The following BMERB1 variants were observed in gnomAD, a reference collection of about 807,000 sequenced individuals.
The protein encoded by BMERB1 is bMERB domain-containing protein 1.
In BMERB1, 12 loss-of-function variants were observed where a neutral mutation model predicts 23.6. That is an observed-to-expected ratio of 0.51 (90% CI 0.33 to 0.82). The LOEUF (loss-of-function observed/expected upper bound fraction) is 0.82. Ranked by LOEUF, BMERB1 falls within the 40% of genes least tolerant of loss-of-function variation. BMERB1 has a pLI of 0.03. For synonymous variants in BMERB1, 122 were observed against 96.6 expected, an observed-to-expected ratio of 1.26 and a Z score of -1.54; for missense variants, 247 against 255.4, an observed-to-expected ratio of 0.97 and a Z score of 0.22.
At chr16:15,447,437 C>G (rs1025534448) in intron 1 of BMERB1, among the ~76,000 whole-genome samples, 4 of 152,126 alleles carry the variant, frequency 2.6e-5, no homozygotes, top group African/African-American at 4.8e-5. Context: ...TACCTCCCAC[C>G]AGGTCCCTCC....
At chr16:15,500,434 C>G (rs920905256) in intron 1 of BMERB1, among the ~76,000 whole-genome samples, 7 of 151,980 alleles carry the variant, frequency 4.6e-5, no homozygotes, top group Non-Finnish European at 7.4e-5. Context: ...GGAGGTGGGA[C>G]GAGAGGGTCC....
chr16:15,527,709 C>T (rs1034251863), intron 2 of BMERB1, among the ~76,000 whole-genome samples: 7 of 152,106 alleles, frequency 4.6e-5, no homozygotes, highest in Non-Finnish European at 8.8e-5. Context: ...GGGGAAGGTA[C>T]AGTATCTGAT....
intron 1 of BMERB1, chr16:15,502,223 C>A: frequency 6.9e-7 from 1 of 1,446,630 alleles, no homozygotes; most frequent in Non-Finnish European, 9.5e-7. Flanking sequence ...GAAACAGAAA[C>A]TCGCAGAAGT....
chr16:15,563,640 T>TA, intron 2 of BMERB1, among the ~76,000 whole-genome samples: 1 of 152,162 alleles, frequency 6.6e-6, no homozygotes, highest in East Asian at 1.9e-4. Flanking sequence ...TCAGGAAACT[T>TA]ACAATCATGA....
At chr16:15,488,902 CA>C (rs769821665) in intron 1 of BMERB1, among the ~76,000 whole-genome samples, 148 of 57,754 alleles carry the variant, frequency 2.6e-3, no homozygotes, top group South Asian at 0.012. Flanking sequence ...ACTGCATATG[CA>C]AAAAAAAAAA....
chr16:15,443,310 T>C (rs1373443128), intron 1 of BMERB1, among the ~76,000 whole-genome samples: 1 of 151,626 alleles, frequency 6.6e-6, no homozygotes, highest in Non-Finnish European at 1.5e-5. Flanking sequence ...CCCAGCACTT[T>C]GGTAGGCCCA....
At chr16:15,435,435 C>T (rs1288811293) in intron 1 of BMERB1, among the ~76,000 whole-genome samples, 1 of 152,220 alleles carries the variant, frequency 6.6e-6, no homozygotes, top group Admixed American at 6.5e-5. Flanking sequence ...TGGATGTCAA[C>T]ATTTCTAAGT....
intron 1 of BMERB1, among the ~76,000 whole-genome samples, chr16:15,451,918 TTAAA>T (rs1427856387): frequency 3.3e-5 from 5 of 151,672 alleles, no homozygotes; most frequent in African/African-American, 1.2e-4. Context: ...GTAAACTTAT[TTAAA>T]TAAGTTTGCA....
chr16:15,554,874 G>A (rs376433485), intron 2 of BMERB1, among the ~76,000 whole-genome samples: 1 of 151,948 alleles, frequency 6.6e-6, no homozygotes, highest in Non-Finnish European at 1.5e-5. Context: ...CACCGTGTTA[G>A]CCAGGATGGT....
chr16:15,535,419 G>A (rs1284020185), intron 2 of BMERB1, among the ~76,000 whole-genome samples: 1 of 152,114 alleles, frequency 6.6e-6, no homozygotes, highest in Non-Finnish European at 1.5e-5. Context: ...AGGCCAAGGT[G>A]GGTGGATCAT....
At chr16:15,471,497 G>C (rs1010774398) in intron 1 of BMERB1, among the ~76,000 whole-genome samples, 1 of 152,156 alleles carries the variant, frequency 6.6e-6, no homozygotes, top group Admixed American at 6.6e-5. Context: ...AAGTTTCTGC[G>C]TAAAAAGTTG....
At chr16:15,559,486 G>A (rs1215314613) in intron 2 of BMERB1, among the ~76,000 whole-genome samples, 1 of 152,130 alleles carries the variant, frequency 6.6e-6, no homozygotes. Context: ...CAGAGCTTTG[G>A]GTGTGTTGCT....
intron 2 of BMERB1, among the ~76,000 whole-genome samples, chr16:15,555,777 T>C (rs951950853): frequency 3.3e-5 from 5 of 152,348 alleles, no homozygotes; most frequent in East Asian, 1.9e-4. Context: ...TGGACACTTA[T>C]CAACACTTAT....
At chr16:15,517,218 A>C (rs2051771855) in intron 2 of BMERB1, among the ~76,000 whole-genome samples, 1 of 152,210 alleles carries the variant, frequency 6.6e-6, no homozygotes, top group African/African-American at 2.4e-5. Context: ...TTTAAAAGGA[A>C]GACAGAGAGG....
intron 2 of BMERB1, among the ~76,000 whole-genome samples, chr16:15,539,347 G>A (rs1342130390): frequency 1.3e-5 from 2 of 152,054 alleles, no homozygotes; most frequent in East Asian, 1.9e-4. Flanking sequence ...GGGAGTGGCC[G>A]TAAATGCAGA....
intron 1 of BMERB1, among the ~76,000 whole-genome samples, chr16:15,464,734 A>G (rs1307981241): frequency 6.6e-6 from 1 of 152,176 alleles, no homozygotes; most frequent in Non-Finnish European, 1.5e-5. Flanking sequence ...ATGCATCATA[A>G]TTAGTGTATA....
rs181886232 is a variant in BMERB1 at position 15,455,751 on chromosome 16, C to T, written c.106+20992C>T. 3.5e-3 allele frequency among the ~76,000 whole-genome samples: 536 copies of T among 152,208 alleles called. 4 individuals are homozygous for T. Among genetic ancestry groups the T allele is most frequent in the African/African-American group, 0.012 (507 of 41,546 alleles). ...TGCTGGGATTACAGGCATGAGCCAC[C>T]GCGCCTGGCCATGTTAACTATATAT... On this transcript the variant is annotated intron_variant, in intron 1 of 5. Transcript: ENST00000300006.
intron 2 of BMERB1, among the ~76,000 whole-genome samples, chr16:15,559,893 A>T (rs571259091): frequency 6.6e-6 from 1 of 152,324 alleles, no homozygotes; most frequent in Non-Finnish European, 1.5e-5. Context: ...CTTGGACCAC[A>T]CATAAAATAC....
chr16:15,504,498 A>C (rs1475119909), intron 1 of BMERB1, among the ~76,000 whole-genome samples: 4 of 150,548 alleles, frequency 2.7e-5, no homozygotes, highest in Non-Finnish European at 5.9e-5. Flanking sequence ...CCTAGGCTGG[A>C]GTGCAGTGGC....
Sources: allele counts gnomAD v4.1 joint callset (sites outside exome capture counted in the v4.1 genomes callset), GRCh38; gene constraint gnomAD v4.1.1; transcripts MANE v1.5; gene names NCBI Gene and HGNC (gene_info 2026-07-23, HGNC 2026-07-21).